The following PTPRD variants were observed in gnomAD, a reference collection of about 807,000 sequenced individuals.
The protein encoded by PTPRD is protein tyrosine phosphatase receptor type D.
Under a neutral mutation model 214.5 loss-of-function variants are expected in PTPRD, and 34 were observed. The observed-to-expected ratio is 0.16, with a 90% CI of 0.12 to 0.21. PTPRD has a LOEUF of 0.21. Ranked by LOEUF, PTPRD falls within the 10% of genes least tolerant of loss-of-function variation. The pLI is 1.00. For synonymous variants in PTPRD, 1,128 were observed against 845.7 expected (o/e 1.33, Z -5.79); for missense variants, 2,545 against 2,398.7 (o/e 1.06, Z -1.27).
chr9:9,175,018 C>A (rs994632155), intron 10 of PTPRD, among the ~76,000 whole-genome samples: 1 of 152,054 alleles, frequency 6.6e-6, no homozygotes, highest in African/African-American at 2.4e-5. Context: ...TTTCCCCTTT[C>A]CACTATATGA....
intron 12 of PTPRD, among the ~76,000 whole-genome samples, chr9:8,641,093 G>T (rs1308548479): frequency 3.4e-5 from 5 of 148,336 alleles, no homozygotes; most frequent in Non-Finnish European, 7.4e-5. Flanking sequence ...TTTAATAAAA[G>T]GAACATGATG....
At chr9:9,651,950 T>C (rs554337131) in intron 7 of PTPRD, among the ~76,000 whole-genome samples, 1 of 143,238 alleles carries the variant, frequency 7.0e-6, no homozygotes, top group South Asian at 2.4e-4. Context: ...TTCTCCCACC[T>C]CAGCCTCCCA....
intron 3 of PTPRD, among the ~76,000 whole-genome samples, chr9:10,289,187 T>G (rs2095456566): frequency 6.6e-6 from 1 of 152,202 alleles, no homozygotes. Context: ...AAAGTTTGGG[T>G]AGATTTATTC....
At chr9:9,572,599 GTGTATATATATATCATACATATA>G (rs1265814393) in intron 8 of PTPRD, among the ~76,000 whole-genome samples, 6 of 144,510 alleles carry the variant, frequency 4.2e-5, no homozygotes, top group Admixed American at 2.1e-4. Context: ...ATATGTATAT[GTGTATATATATATCATACATATA>G]TGTATATATA....
rs547267743 is a variant in PTPRD at position 9,915,816 on chromosome 9, C to A, written c.-368+22691G>T. Among the ~76,000 whole-genome samples, 14 of 151,898 alleles carry A rather than the reference C, an allele frequency of 9.2e-5. No homozygotes were observed. The South Asian group carries it at 2.9e-3, about 32-fold the overall frequency. The stretch of plus-strand genomic sequence containing the variant: ...AAAATCATATTTAATGAAATGATAG[C>A]AGAAAACATCTTGTTTTGTTAGAGG... On this transcript the variant is annotated intron_variant, in intron 5 of 45. Transcript: ENST00000381196.
chr9:9,037,844 T>C lies in PTPRD; in HGVS notation c.-142-19109A>G, dbSNP rs12684249. ...TATTTCAGGGCACCTGGAAGCACAGTGAAAGCCACTGATTTTCACTGTGCT... is the reference window on the plus strand; with the variant it reads ...TATTTCAGGGCACCTGGAAGCACAGCGAAAGCCACTGATTTTCACTGTGCT... On this transcript the variant is annotated intron_variant, in intron 10 of 45. Coordinates refer to ENST00000381196, the MANE Select transcript of PTPRD (RefSeq NM_002839.4). 4.1e-3 allele frequency among the ~76,000 whole-genome samples: 622 copies of C among 152,212 alleles called. 25 individuals are homozygous for C. In the East Asian group the frequency reaches 0.096, roughly 24 times the overall value.
At chr9:10,540,980 A>G (rs1455022556) in intron 2 of PTPRD, among the ~76,000 whole-genome samples, 2 of 152,158 alleles carry the variant, frequency 1.3e-5, no homozygotes, top group African/African-American at 2.4e-5. Flanking sequence ...AGCTCCTGCA[A>G]TTACTCACTC....
chr9:8,962,683 C>T (rs545993158), intron 11 of PTPRD: 1 of 152,014 alleles, frequency 6.6e-6, no homozygotes, highest in African/African-American at 2.4e-5. Flanking sequence ...TTACCATATT[C>T]TAAAATAACA....
chr9:9,123,966 T>A (rs1259700358), intron 10 of PTPRD, among the ~76,000 whole-genome samples: 1 of 142,590 alleles, frequency 7.0e-6, no homozygotes, highest in Non-Finnish European at 1.5e-5. Context: ...AATTGACCAG[T>A]GGGCAGCTAT....
At chr9:9,430,889 T>A (rs2143017088) in intron 8 of PTPRD, among the ~76,000 whole-genome samples, 1 of 152,304 alleles carries the variant, frequency 6.6e-6, no homozygotes, top group African/African-American at 2.4e-5. Flanking sequence ...TTACACCTTA[T>A]ACAAAAATTA....
intron 2 of PTPRD, among the ~76,000 whole-genome samples, chr9:10,361,555 A>G (rs1391333579): frequency 6.6e-6 from 1 of 152,156 alleles, no homozygotes; most frequent in Non-Finnish European, 1.5e-5. Flanking sequence ...AGTTGTGTCT[A>G]CTATACACCC....
chr9:10,038,269 A>G (rs372053710), intron 3 of PTPRD, among the ~76,000 whole-genome samples: 2 of 152,090 alleles, frequency 1.3e-5, no homozygotes, highest in African/African-American at 4.8e-5. Context: ...TCATTCTACA[A>G]CATCTCTCAT....
chr9:10,326,327 A>G (rs908244414), intron 3 of PTPRD, among the ~76,000 whole-genome samples: 1 of 151,716 alleles, frequency 6.6e-6, no homozygotes. Context: ...ACAGAAGGCT[A>G]TGTGTATTAT....
intron 11 of PTPRD, among the ~76,000 whole-genome samples, chr9:8,872,898 A>C (rs1276971982): frequency 1.3e-5 from 2 of 152,222 alleles, no homozygotes; most frequent in Non-Finnish European, 2.9e-5. Context: ...TAGAAAAACA[A>C]GTCATCATTG....
intron 8 of PTPRD, among the ~76,000 whole-genome samples, chr9:9,401,300 A>C (rs1047413031): frequency 6.6e-6 from 1 of 152,070 alleles, no homozygotes; most frequent in Non-Finnish European, 1.5e-5. Flanking sequence ...ACACATATAT[A>C]CAGATATATA....
chr9:9,316,253 C>T (rs531383791), intron 9 of PTPRD, among the ~76,000 whole-genome samples: 4 of 151,798 alleles, frequency 2.6e-5, no homozygotes, highest in Non-Finnish European at 2.9e-5. Flanking sequence ...TCTCCCCTAC[C>T]GTCTCTCTTA....
intron 7 of PTPRD, among the ~76,000 whole-genome samples, chr9:9,733,248 C>T (rs2098231088): frequency 6.6e-6 from 1 of 152,144 alleles, no homozygotes; most frequent in Non-Finnish European, 1.5e-5. Flanking sequence ...AAAGTGTATT[C>T]TTCTGGGAGG....
intron 8 of PTPRD, among the ~76,000 whole-genome samples, chr9:9,411,171 T>A (rs1212923186): frequency 6.6e-6 from 1 of 151,986 alleles, no homozygotes; most frequent in East Asian, 1.9e-4. Flanking sequence ...AACTCCAGAT[T>A]GGGACATAGT....
intron 35 of PTPRD, among the ~76,000 whole-genome samples, chr9:8,416,342 C>T (rs2093935826): frequency 6.6e-6 from 1 of 152,044 alleles, no homozygotes; most frequent in Non-Finnish European, 1.5e-5. Context: ...ATGTTATACA[C>T]CAATGCTATC....
Sources: allele counts gnomAD v4.1 joint callset (sites outside exome capture counted in the v4.1 genomes callset), GRCh38; gene constraint gnomAD v4.1.1; transcripts MANE v1.5; gene names NCBI Gene and HGNC (gene_info 2026-07-23, HGNC 2026-07-21).